Variants in SMAD4 observed in about 807,000 individuals in gnomAD.
The protein encoded by SMAD4 is SMAD family member 4.
Under a neutral mutation model 63.2 loss-of-function variants are expected in SMAD4, and 7 were observed. The ratio of observed to expected loss-of-function variants is 0.11; its 90% confidence interval spans 0.06 to 0.21. The LOEUF (loss-of-function observed/expected upper bound fraction) is 0.21, where lower values mean the gene tolerates loss of function less well. Ranked by LOEUF, SMAD4 falls within the 10% of genes least tolerant of loss-of-function variation. The pLI is 1.00. For synonymous variants in SMAD4, 215 were observed against 235.4 expected, an observed-to-expected ratio of 0.91 and a Z score of 0.79; for missense variants, 312 against 693.8, an observed-to-expected ratio of 0.45 and a Z score of 6.18.
intron 1 of SMAD4, among the ~76,000 whole-genome samples, chr18:51,044,436 G>A (rs1909478839): frequency 6.6e-6 from 1 of 152,186 alleles, no homozygotes; most frequent in Non-Finnish European, 1.5e-5. Flanking sequence ...GTGTCACCCA[G>A]GCTGTAGTGC....
intron 10 of SMAD4, among the ~76,000 whole-genome samples, chr18:51,074,625 C>A (rs1209403278): frequency 6.6e-6 from 1 of 152,092 alleles, no homozygotes. Flanking sequence ...GTACTTTCTG[C>A]TTAATTGTGC....
intron 1 of SMAD4, among the ~76,000 whole-genome samples, chr18:51,031,669 C>G (rs908474333): frequency 6.6e-6 from 1 of 151,780 alleles, no homozygotes; most frequent in Non-Finnish European, 1.5e-5. Flanking sequence ...GTCTTAGTAG[C>G]AGCTTGGTTA....
intron 8 of SMAD4, 111 bp from the exon 9 acceptor site, chr18:51,065,312 C>T: frequency 1.2e-6 from 1 of 863,432 alleles, no homozygotes; most frequent in South Asian, 1.3e-5. Flanking sequence ...ATTACATTTC[C>T]ATCTCCCCTC....
intron 10 of SMAD4, among the ~76,000 whole-genome samples, chr18:51,073,388 T>TATATATATATACACACACACAC (rs1417299090): frequency 6.2e-5 from 4 of 64,160 alleles, no homozygotes; most frequent in African/African-American, 3.1e-4. Flanking sequence ...TATATATATA[T>TATATATATATACACACACACAC]ACACACACAC....
Position 51,084,724 on chromosome 18 carries a change from T to TA in SMAD4, c.*6258dup, listed in dbSNP as rs998226800. The TA allele has an allele frequency of 4.3e-6, 1 of 232,078 alleles. No homozygotes were observed. The highest frequency in any genetic ancestry group is 5.6e-5 in the Admixed American group (1 of 17,766). 14.4% of individuals were successfully genotyped at this position (232,078 alleles called of 1,614,324 possible). On this transcript the variant is annotated 3_prime_UTR_variant, in exon 12 of 12. Coordinates refer to ENST00000342988, the MANE Select transcript of SMAD4 (RefSeq NM_005359.6). ...GATTTAAGGGAAAAGTGTGAATGCT[T>TA]ATAGATGATGAAAACCTGGTGGGCT...
intron 5 of SMAD4, among the ~76,000 whole-genome samples, chr18:51,056,776 A>T (rs1361301036): frequency 2.6e-5 from 4 of 152,172 alleles, no homozygotes; most frequent in African/African-American, 9.7e-5. Context: ...TTAGAATTGT[A>T]TAAGGGAAGT....
chr18:51,055,508 CTT>C (rs1241954806), intron 5 of SMAD4, among the ~76,000 whole-genome samples: 1 of 149,184 alleles, frequency 6.7e-6, no homozygotes, highest in African/African-American at 2.5e-5. Flanking sequence ...TTCTATATCT[CTT>C]TTTAAAATAT....
Position 51,080,042 on chromosome 18 carries a change from T to A in SMAD4, c.*1575T>A. 4.3e-6 allele frequency: 1 copy of A among 231,606 alleles called. No individual in the cohort carries two copies. Among genetic ancestry groups the A allele is most frequent in the Admixed American group, 5.6e-5 (1 of 17,744 alleles). The allele number at this position is 231,606 out of a possible 1,614,324, so 14.3% of individuals were successfully genotyped here. On this transcript the variant is annotated 3_prime_UTR_variant, in exon 12 of 12. Transcript: ENST00000342988. ...TCTACAAGATGATAAATAGATTGTC[T>A]ACAGGATAAATAGTATGAAATAAAA...
chr18:51,072,986 C>T (rs1294158424), intron 10 of SMAD4, among the ~76,000 whole-genome samples: 2 of 152,076 alleles, frequency 1.3e-5, no homozygotes, highest in African/African-American at 2.4e-5. Flanking sequence ...GGAGGCAATG[C>T]AGGTTTTAGT....
chr18:51,064,623 T>A (rs1910100878), intron 8 of SMAD4, among the ~76,000 whole-genome samples: 1 of 152,246 alleles, frequency 6.6e-6, no homozygotes, highest in African/African-American at 2.4e-5. Context: ...AAATACTTGA[T>A]CAGTTGTCTT....
intron 5 of SMAD4, among the ~76,000 whole-genome samples, chr18:51,056,112 T>G (rs1009758131): frequency 4.6e-5 from 7 of 152,206 alleles, no homozygotes; most frequent in Admixed American, 4.6e-4. Flanking sequence ...CCTTAATCAC[T>G]TGGTGCTTCT....
intron 4 of SMAD4, 73 bp from the exon 5 acceptor site, chr18:51,054,708 C>T: frequency 2.0e-6 from 2 of 990,486 alleles, no homozygotes; most frequent in East Asian, 2.6e-5. Flanking sequence ...TATTATATTA[C>T]TTGCTAATAA....
At chr18:51,036,249 A>G (rs1418527568) in intron 1 of SMAD4, among the ~76,000 whole-genome samples, 2 of 152,124 alleles carry the variant, frequency 1.3e-5, no homozygotes, top group Admixed American at 6.6e-5. Context: ...CCGAATATAT[A>G]TTTTTATAGT....
In SMAD4 at chr18:51,079,005, A is replaced by T. The variant is rs1192715701; in HGVS notation, c.*538A>T. On this transcript the variant is annotated 3_prime_UTR_variant, in exon 12 of 12. Transcript: ENST00000342988. ...AAAAGTAAGTTAATAATGTATTGTA[A>T]TCTTTCATCCAAAATATTTTTTGCA... is the stretch of plus-strand genomic sequence containing the variant. 1 of 233,812 alleles carries T rather than the reference A, an allele frequency of 4.3e-6. No homozygotes were observed. The highest frequency in any genetic ancestry group is 8.5e-6 in the Non-Finnish European group (1 of 118,288). 14.5% of individuals were successfully genotyped at this position (233,812 alleles called of 1,614,324 possible).
chr18:51,036,927 G>C (rs1438494728), intron 1 of SMAD4, among the ~76,000 whole-genome samples: 1 of 152,188 alleles, frequency 6.6e-6, no homozygotes, highest in Admixed American at 6.5e-5. Context: ...GGAGGCCAAG[G>C]GGGGTGCGGA....
chr18:51,069,218 G>A (rs1341439595), intron 10 of SMAD4, among the ~76,000 whole-genome samples: 2 of 152,166 alleles, frequency 1.3e-5, no homozygotes, highest in Non-Finnish European at 2.9e-5. Context: ...CAGGGTTTAA[G>A]TGATTCTCAT....
At chr18:51,031,727 C>G (rs1909056392) in intron 1 of SMAD4, among the ~76,000 whole-genome samples, 1 of 147,818 alleles carries the variant, frequency 6.8e-6, no homozygotes, top group African/African-American at 2.6e-5. Context: ...TGGCAAAAAC[C>G]ATTTAGTATC....
chr18:51,054,993 A>G lies in SMAD4; in HGVS notation c.667A>G (p.Ser223Gly), dbSNP rs1568205121. 3.7e-6 allele frequency: 6 copies of G among 1,609,282 alleles called. No individual in the cohort carries two copies. The highest frequency in any genetic ancestry group is 5.1e-6 in the Non-Finnish European group (6 of 1,175,562). The part of the protein sequence containing the change: ...NFPNIPVAST[S>G]QPASILGGSH... Reference sequence around the variant, plus strand: ...TCCCAACATTCCTGTGGCTTCCACAAGTGAGTTCTAGAATCAGATGTAGTC... The same window carrying G: ...TCCCAACATTCCTGTGGCTTCCACAGGTGAGTTCTAGAATCAGATGTAGTC... The change falls in exon 5 of 12, where the codon AGT (serine) becomes GGT (glycine). Residue 223 changes from serine (S) to glycine (G), a missense_variant and splice_region_variant. Coordinates refer to ENST00000342988, the MANE Select transcript of SMAD4 (RefSeq NM_005359.6).
chr18:51,058,491 T>C (rs1909908290), intron 7 of SMAD4, 35 bp downstream of exon 7: 1 of 1,424,118 alleles, frequency 7.0e-7, no homozygotes, highest in African/African-American at 1.4e-5. Flanking sequence ...GGCTATTTTT[T>C]TTTTTTTTTT....
Sources: gnomAD v4.1 joint callset for allele counts (sites outside exome capture counted in the v4.1 genomes callset) on GRCh38, gnomAD v4.1.1 for gene constraint, MANE v1.5 for transcripts, NCBI Gene and HGNC (gene_info 2026-07-23, HGNC 2026-07-21) for gene names.